PLCH1: variants seen among roughly 807,000 people sequenced by gnomAD.
The protein encoded by PLCH1 is phospholipase C eta 1, also known as 1-phosphatidylinositol 4,5-bisphosphate phosphodiesterase eta-1.
A neutral mutation model predicts 126.7 loss-of-function variants in PLCH1; 60 were observed. That is an observed-to-expected ratio of 0.47 (90% confidence interval 0.38 to 0.59). The LOEUF (loss-of-function observed/expected upper bound fraction) is 0.59. Among genes scored for constraint, PLCH1 ranks in the 20% least tolerant of loss-of-function variants. The pLI is 0.00. For synonymous variants in PLCH1, 719 were observed against 734.9 expected, an observed-to-expected ratio of 0.98 and a Z score of 0.35; for missense variants, 1,723 against 2,040.0, an observed-to-expected ratio of 0.84 and a Z score of 2.99.
intron 2 of PLCH1, among the ~76,000 whole-genome samples, chr3:155,690,959 A>T (rs1443863916): frequency 6.6e-6 from 1 of 151,768 alleles, no homozygotes; most frequent in Non-Finnish European, 1.5e-5. Context: ...CTTAGCCCTC[A>T]CCCCTAGTTC....
chr3:155,628,251 C>G (rs140690448), intron 2 of PLCH1, among the ~76,000 whole-genome samples: 15 of 151,618 alleles, frequency 9.9e-5, no homozygotes, highest in African/African-American at 3.4e-4. Flanking sequence ...ACTCTCTGAC[C>G]TCTCCCACCC....
At chr3:155,727,469 C>A (rs565177311) in intron 1 of PLCH1, among the ~76,000 whole-genome samples, 3 of 150,478 alleles carry the variant, frequency 2.0e-5, no homozygotes, top group Non-Finnish European at 2.9e-5. Context: ...CTCACTGCAA[C>A]CTCCCCCTCC....
intron 2 of PLCH1, among the ~76,000 whole-genome samples, chr3:155,688,878 T>G (rs9868123): frequency 3.9e-5 from 6 of 152,202 alleles, no homozygotes; most frequent in African/African-American, 1.4e-4. Flanking sequence ...TTAGCCGCTG[T>G]AGAATAGAAC....
chr3:155,736,762 C>G (rs1329311221), intron 1 of PLCH1, among the ~76,000 whole-genome samples: 2 of 152,156 alleles, frequency 1.3e-5, no homozygotes, highest in Non-Finnish European at 1.5e-5. Flanking sequence ...AATTGCTTTT[C>G]TTTTCTTTAA....
In PLCH1 at chr3:155,514,893, A is replaced by T; in HGVS notation, c.1471-9T>A. 1 of 1,574,516 alleles carries T rather than the reference A, an allele frequency of 6.4e-7. No homozygotes were observed. On this transcript the variant is annotated splice_polypyrimidine_tract_variant and intron_variant, in intron 11 of 22. Coordinates refer to ENST00000460012, the MANE Select transcript of PLCH1 (RefSeq NM_014996.4). ...TCAGTGGTCCCATTACTCTGCAAAGAATTAAGTAACACAAATGATTTCCTT... is the reference window on the plus strand; with the variant it reads ...TCAGTGGTCCCATTACTCTGCAAAGTATTAAGTAACACAAATGATTTCCTT...
chr3:155,655,442 AG>A (rs1213982137), intron 2 of PLCH1, among the ~76,000 whole-genome samples: 14 of 151,554 alleles, frequency 9.2e-5, no homozygotes, highest in East Asian at 3.9e-4. Flanking sequence ...AAAAAAAAAA[AG>A]AAGAAGAAGA....
chr3:155,527,423 C>T (rs11926950), intron 10 of PLCH1, among the ~76,000 whole-genome samples: 2,850 of 152,268 alleles, frequency 0.019, 92 homozygotes, highest in African/African-American at 0.065. Context: ...GTCATATTTT[C>T]GGAGAAATGT....
intron 2 of PLCH1, among the ~76,000 whole-genome samples, chr3:155,623,805 G>A (rs183300839): frequency 9.2e-5 from 14 of 152,196 alleles, no homozygotes; most frequent in Admixed American, 3.3e-4. Flanking sequence ...ATTCACAGTC[G>A]AATTCTACCA....
At chr3:155,522,708 CTCTTTT>C (rs1161167221) in intron 11 of PLCH1, among the ~76,000 whole-genome samples, 1 of 88,900 alleles carries the variant, frequency 1.1e-5, no homozygotes, top group Non-Finnish European at 2.1e-5. Flanking sequence ...AAATTTCTCT[CTCTTTT>C]TTTTTTTTTT....
At chr3:155,736,476 G>A (rs1559973379) in intron 1 of PLCH1, among the ~76,000 whole-genome samples, 2 of 151,948 alleles carry the variant, frequency 1.3e-5, no homozygotes, top group Non-Finnish European at 1.5e-5. Flanking sequence ...AAAAGCAATG[G>A]GCAAAAAAAT....
In PLCH1 at chr3:155,697,350, G is replaced by A. The variant is rs142229569; in HGVS notation, c.79+6796C>T. 4.6e-3 allele frequency among the ~76,000 whole-genome samples: 696 copies of A among 152,216 alleles called. 2 individuals carry two copies. Among genetic ancestry groups the A allele is most frequent in the Middle Eastern group, 0.01 (3 of 294 alleles). ...AAGGAGAGCTGTCAGTGGTTGGGGG[G>A]CCGGGATTCCATCCATCAAAATCAC... is the stretch of plus-strand genomic sequence containing the variant. On this transcript the variant is annotated intron_variant, in intron 2 of 22. Transcript: ENST00000460012.
intron 2 of PLCH1, among the ~76,000 whole-genome samples, chr3:155,695,213 G>A (rs1221079731): frequency 6.6e-6 from 1 of 152,092 alleles, no homozygotes; most frequent in Non-Finnish European, 1.5e-5. Context: ...AAAGCCTTTT[G>A]AAATTACTTT....
At chr3:155,483,430 C>CTCTG (rs1714506614) in intron 22 of PLCH1, 2 of 1,284,612 alleles carry the variant, frequency 1.6e-6, no homozygotes, top group Admixed American at 4.7e-5. Context: ...TTAAACAAAG[C>CTCTG]ATTGTGGTAC....
Position 155,549,787 on chromosome 3 carries a change from C to T in PLCH1, c.1362G>A (p.Lys454=). The T allele has an allele frequency of 6.2e-7, 1 of 1,609,338 alleles. No individual in the cohort carries two copies. Among genetic ancestry groups the T allele is most frequent in the Non-Finnish European group, 8.5e-7 (1 of 1,176,668 alleles). Residue 454 remains lysine (K), a splice_region_variant and synonymous_variant, in exon 10 of 23, where the codon AAG becomes AAA. Coordinates refer to ENST00000460012, the MANE Select transcript of PLCH1 (RefSeq NM_014996.4). ...PQSLKGKILV[K]GKKLPYHLGD... is the part of the protein sequence containing the mutation. ...TTATTGCATTACTTGAAGTAATTAC[C>T]TTCACTAGAATTTTGCCTTTCAAAC... is the stretch of plus-strand genomic sequence containing the variant.
At chr3:155,533,653 A>G (rs894881758) in intron 10 of PLCH1, among the ~76,000 whole-genome samples, 1 of 152,242 alleles carries the variant, frequency 6.6e-6, no homozygotes, top group African/African-American at 2.4e-5. Context: ...CACCAAGACA[A>G]TGGGGAAAAT....
In PLCH1 at chr3:155,680,355, C is replaced by G. The variant is rs193138490; in HGVS notation, c.79+23791G>C. Among the ~76,000 whole-genome samples the G allele has an allele frequency of 3.9e-4, 59 of 152,234 alleles. 1 individual carries two copies. The highest frequency in any genetic ancestry group is 5.0e-4 in the Non-Finnish European group (34 of 67,996). On this transcript the variant is annotated intron_variant, in intron 2 of 22. Transcript: ENST00000460012. ...CCGAGATCATGCCACTGCACTCCAG[C>G]CTGGGTGACAGAGCGAGATTCTGTC...
chr3:155,647,755 A>C (rs1288840869), intron 2 of PLCH1, among the ~76,000 whole-genome samples: 1 of 152,192 alleles, frequency 6.6e-6, no homozygotes, highest in African/African-American at 2.4e-5. Flanking sequence ...AAAAGAAATG[A>C]TTGTACAATG....
chr3:155,458,197 T>C (rs12630784), intron 21 of PLCH1, among the ~76,000 whole-genome samples: 50,422 of 150,676 alleles, frequency 0.33, 10,125 homozygotes, highest in African/African-American at 0.56. Context: ...CAAAAATTAG[T>C]GGGGCGTAGT....
In PLCH1 at chr3:155,481,082, T is replaced by C. The variant is rs1463659468; in HGVS notation, c.4944A>G (p.Ala1648=). ...GLEGRGIPEG[A]CTALHYGHVD... is the part of the protein sequence containing the mutation. ...CGTGGCCATAGTGAAGAGCCGTGCA[T>C]GCCCCCTCTGGGATGCCCCGGCCTT... is the stretch of plus-strand genomic sequence containing the variant. The change falls in exon 23 of 23, where the codon GCA becomes GCG. Residue 1648 remains alanine, a synonymous_variant. Transcript: ENST00000460012. The surrounding 1 kb of genome is among the most constrained non-coding windows in gnomAD (Gnocchi z 4.2). 1.9e-6 allele frequency: 3 copies of C among 1,614,086 alleles called. No individual in the cohort carries two copies. Among genetic ancestry groups the C allele is most frequent in the Non-Finnish European group, 2.5e-6 (3 of 1,180,024 alleles).
Sources: gnomAD v4.1 joint callset for allele counts (sites outside exome capture counted in the v4.1 genomes callset) on GRCh38, gnomAD v4.1.1 for gene constraint, Gnocchi (gnomAD v3.1) non-coding constraint, MANE v1.5 for transcripts, NCBI Gene and HGNC (gene_info 2026-07-23, HGNC 2026-07-21) for gene names.